Variants in CPED1 observed in about 807,000 individuals in gnomAD.
CPED1 encodes the protein cadherin-like and PC-esterase domain-containing protein 1.
CPED1 carries 114 observed loss-of-function variants against 128.2 expected under a neutral mutation model. That is an observed-to-expected ratio of 0.89 (90% CI 0.76 to 1.04). CPED1 has a LOEUF of 1.04. CPED1 is among the 50% of genes least tolerant of loss of function. CPED1 has a pLI of 0.00. For synonymous variants in CPED1, 462 were observed against 426.7 expected, an observed-to-expected ratio of 1.08 and a Z score of -1.02; for missense variants, 1,211 against 1,207.1, an observed-to-expected ratio of 1.00 and a Z score of -0.05.
intron 18 of CPED1, among the ~76,000 whole-genome samples, chr7:121,255,389 T>C (rs1798778722): frequency 1.3e-5 from 2 of 152,042 alleles, no homozygotes; most frequent in South Asian, 4.1e-4. Flanking sequence ...CTCAACAAAC[T>C]AGGCATCAAT....
chr7:121,282,943 GA>G (rs529301868), intron 22 of CPED1, among the ~76,000 whole-genome samples: 5 of 151,776 alleles, frequency 3.3e-5, no homozygotes, highest in East Asian at 3.9e-4. Context: ...ATATTACATG[GA>G]AAAAAAATCA....
chr7:121,193,908 G>C (rs1797202798), intron 16 of CPED1, among the ~76,000 whole-genome samples: 1 of 149,398 alleles, frequency 6.7e-6, no homozygotes, highest in Non-Finnish European at 1.5e-5. Context: ...TTTCTTATAT[G>C]TATATAATGA....
At chr7:121,292,797 G>A (rs1471828753) in intron 22 of CPED1, among the ~76,000 whole-genome samples, 1 of 152,134 alleles carries the variant, frequency 6.6e-6, no homozygotes, top group Non-Finnish European at 1.5e-5. Flanking sequence ...GTCTGCTGGA[G>A]TTTGCTAGAG....
At chr7:121,179,169 T>C (rs1438656337) in intron 16 of CPED1, among the ~76,000 whole-genome samples, 2 of 152,096 alleles carry the variant, frequency 1.3e-5, no homozygotes, top group Non-Finnish European at 2.9e-5. Context: ...AGCCAACCTG[T>C]TGGCCTAGTC....
intron 21 of CPED1, among the ~76,000 whole-genome samples, chr7:121,270,959 T>C (rs547990099): frequency 6.6e-6 from 1 of 152,260 alleles, no homozygotes; most frequent in South Asian, 2.1e-4. Context: ...TAGATTGCTT[T>C]CGGCAGTAAT....
chr7:121,080,478 C>T (rs150690963), intron 5 of CPED1, among the ~76,000 whole-genome samples: 1 of 152,000 alleles, frequency 6.6e-6, no homozygotes, highest in South Asian at 2.1e-4. Flanking sequence ...AATTTTTTTG[C>T]AGAAGTGGTC....
chr7:121,206,006 T>C (rs1448907615), intron 16 of CPED1, among the ~76,000 whole-genome samples: 1 of 152,042 alleles, frequency 6.6e-6, no homozygotes, highest in Non-Finnish European at 1.5e-5. Flanking sequence ...AGGATTTTTG[T>C]ATTCAGGCAA....
chr7:121,023,533 C>A (rs1476172341), intron 3 of CPED1, among the ~76,000 whole-genome samples: 1 of 152,096 alleles, frequency 6.6e-6, no homozygotes, highest in East Asian at 1.9e-4. Context: ...CTCAAACACA[C>A]AGAATGAGAG....
chr7:121,220,884 A>G (rs545871077), intron 16 of CPED1, among the ~76,000 whole-genome samples: 5 of 152,152 alleles, frequency 3.3e-5, no homozygotes, highest in African/African-American at 1.2e-4. Context: ...CTTAAATAAG[A>G]TCATGGTATA....
chr7:121,226,335 AC>A (rs1798012490), intron 16 of CPED1, among the ~76,000 whole-genome samples: 1 of 151,802 alleles, frequency 6.6e-6, no homozygotes. Context: ...TGCAGAAATC[AC>A]CCGTTTTCTG....
chr7:121,109,870 G>A (rs898353908), intron 7 of CPED1, among the ~76,000 whole-genome samples: 1 of 152,126 alleles, frequency 6.6e-6, no homozygotes, highest in African/African-American at 2.4e-5. Context: ...ATGCCTTCAA[G>A]GAGTTACTGT....
intron 22 of CPED1, among the ~76,000 whole-genome samples, chr7:121,276,134 G>A (rs1283467218): frequency 6.6e-6 from 1 of 152,092 alleles, no homozygotes; most frequent in Non-Finnish European, 1.5e-5. Context: ...TGTAAAGTGA[G>A]TTAGAAGAGC....
At chr7:121,085,911 C>T (rs575071960) in intron 5 of CPED1, among the ~76,000 whole-genome samples, 2 of 152,292 alleles carry the variant, frequency 1.3e-5, no homozygotes, top group South Asian at 4.2e-4. Flanking sequence ...AAATATTTCT[C>T]CCGAACAGAG....
At chr7:121,036,190 A>G (rs1406542722) in intron 3 of CPED1, among the ~76,000 whole-genome samples, 41 of 152,122 alleles carry the variant, frequency 2.7e-4, no homozygotes, top group Admixed American at 2.6e-3. Flanking sequence ...TAAGTAACTT[A>G]GTGGTGATTT....
intron 5 of CPED1, among the ~76,000 whole-genome samples, chr7:121,095,817 A>G (rs958055454): frequency 6.6e-6 from 1 of 152,146 alleles, no homozygotes; most frequent in Non-Finnish European, 1.5e-5. Flanking sequence ...AAAACTTAAT[A>G]TGTCTAGCTT....
chr7:121,003,335 G>A (rs958352291), intron 2 of CPED1, among the ~76,000 whole-genome samples: 11 of 152,006 alleles, frequency 7.2e-5, no homozygotes, highest in African/African-American at 2.7e-4. Context: ...TAGAACTCTA[G>A]GAAAGGAAAT....
At chr7:121,190,134 A>C (rs184220231) in intron 16 of CPED1, among the ~76,000 whole-genome samples, 5 of 152,182 alleles carry the variant, frequency 3.3e-5, no homozygotes, top group Admixed American at 3.3e-4. Flanking sequence ...GAGAATGAGA[A>C]GGGACACTAT....
intron 5 of CPED1, among the ~76,000 whole-genome samples, chr7:121,066,079 A>C (rs1166794953): frequency 1.3e-5 from 2 of 152,152 alleles, no homozygotes; most frequent in East Asian, 3.8e-4. Flanking sequence ...AATACTGAAT[A>C]TTTAATATTG....
intron 22 of CPED1, among the ~76,000 whole-genome samples, chr7:121,282,232 C>G (rs1014043618): frequency 6.6e-6 from 1 of 152,166 alleles, no homozygotes; most frequent in African/African-American, 2.4e-5. Context: ...CCTTTTGTCT[C>G]TGTGTCAAGG....
Sources: allele counts gnomAD v4.1 joint callset (sites outside exome capture counted in the v4.1 genomes callset), GRCh38; gene constraint gnomAD v4.1.1; transcripts MANE v1.5; gene names NCBI Gene and HGNC (gene_info 2026-07-23, HGNC 2026-07-21).